AMPD3: variants seen among roughly 807,000 people sequenced by gnomAD.
The protein encoded by AMPD3 is adenosine monophosphate deaminase 3.
Under a neutral mutation model 82.3 loss-of-function variants are expected in AMPD3, and 57 were observed. The observed-to-expected ratio is 0.69, with a 90% CI of 0.56 to 0.86. The LOEUF is 0.86. AMPD3 is among the 40% of genes least tolerant of loss of function. The pLI is 0.00. For synonymous variants in AMPD3, 381 were observed against 394.7 expected, an observed-to-expected ratio of 0.97 and a Z score of 0.41; for missense variants, 870 against 1,003.8, an observed-to-expected ratio of 0.87 and a Z score of 1.80.
chr11:10,470,104 AG>A (rs1848545844), intron 2 of AMPD3, among the ~76,000 whole-genome samples: 1 of 152,140 alleles, frequency 6.6e-6, no homozygotes, highest in Non-Finnish European at 1.5e-5. Context: ...CACATCAAAA[AG>A]CTTATCCACC....
At chr11:10,478,057 G>A in intron 2 of AMPD3, 2 of 985,294 alleles carry the variant, frequency 2.0e-6, no homozygotes, top group Non-Finnish European at 2.4e-6. Flanking sequence ...CAGTGTGATT[G>A]TCTCTCTGTG....
chr11:10,477,366 T>G (rs1848770815), intron 2 of AMPD3, among the ~76,000 whole-genome samples: 1 of 152,036 alleles, frequency 6.6e-6, no homozygotes, highest in Non-Finnish European at 1.5e-5. Context: ...TTTGACACTG[T>G]GGGATGGCAC....
At chr11:10,463,948 ACT>A (rs1848344125) in intron 2 of AMPD3, among the ~76,000 whole-genome samples, 1 of 152,182 alleles carries the variant, frequency 6.6e-6, no homozygotes, top group South Asian at 2.1e-4. Flanking sequence ...CACCATGGAC[ACT>A]ACATCAGGGT....
intron 1 of AMPD3, among the ~76,000 whole-genome samples, chr11:10,459,336 G>C (rs1249228947): frequency 6.6e-6 from 1 of 152,110 alleles, no homozygotes; most frequent in Non-Finnish European, 1.5e-5. Flanking sequence ...ATGCCACTCA[G>C]ACTCAGAGCA....
At chr11:10,479,292 G>A (rs2133879568) in intron 3 of AMPD3, among the ~76,000 whole-genome samples, 1 of 152,318 alleles carries the variant, frequency 6.6e-6, no homozygotes, top group East Asian at 1.9e-4. Context: ...ATTGGATGAT[G>A]CATTTTTTAT....
chr11:10,464,933 T>C (rs545841309), intron 2 of AMPD3, among the ~76,000 whole-genome samples: 1 of 152,112 alleles, frequency 6.6e-6, no homozygotes, highest in African/African-American at 2.4e-5. Context: ...GTCACAGAGG[T>C]GATGTGTGGT....
At position 10,485,004 on chromosome 11, in the gene AMPD3, G is replaced by T; in HGVS notation, c.774G>T (p.Met258Ile). ...YPDLETYTVD[M>I]SHILALITDG... is the part of the protein sequence containing the mutation. ...ACCTGGAGACCTACACGGTGGACAT[G>T]AGCCACATCCTGGCTCTCATCACCG... Residue 258 changes from methionine (M) to isoleucine (I), a missense_variant, in exon 5 of 15, where the codon ATG becomes ATT. Transcript: ENST00000396553. 1 of 1,613,962 alleles carries T rather than the reference G, an allele frequency of 6.2e-7. No homozygotes were observed.
Position 10,455,914 on chromosome 11 carries a change from C to T in AMPD3, c.-6+466C>T, listed in dbSNP as rs981142928. ...AGCCAGGCCTGAAGCACGTTCAGAA[C>T]GGAAGCAGCAAAGGTGATGATATCG... On this transcript the variant is annotated intron_variant, in intron 1 of 14. Transcript: ENST00000396553. The T allele has an allele frequency of 1.8e-5, 18 of 985,214 alleles. No homozygotes were observed. The Admixed American group carries it at 8.6e-4, about 47-fold the overall frequency. The allele number at this position is 985,214 out of a possible 1,614,324, so 61.0% of individuals were successfully genotyped here.
intron 2 of AMPD3, among the ~76,000 whole-genome samples, chr11:10,473,041 G>A (rs1192848402): frequency 6.6e-6 from 1 of 152,120 alleles, no homozygotes; most frequent in Non-Finnish European, 1.5e-5. Flanking sequence ...AAGCCGAGGT[G>A]GGTGGATCAC....
At chr11:10,486,633 G>T (rs957004000) in intron 5 of AMPD3, 1 of 985,400 alleles carries the variant, frequency 1.0e-6, no homozygotes, top group Non-Finnish European at 1.2e-6. Context: ...TCCTCTTGTC[G>T]TGAAGCCTCA....
chr11:10,461,462 G>C (rs778629569), intron 1 of AMPD3, 53 bp from the exon 2 acceptor site: 5 of 1,612,734 alleles, frequency 3.1e-6, no homozygotes, highest in Admixed American at 1.7e-5. Flanking sequence ...TCTCTTCCCC[G>C]GTGCTGGTGA....
upstream of AMPD3, among the ~76,000 whole-genome samples, chr11:10,452,262 G>T (rs1406374373): frequency 6.6e-6 from 1 of 152,002 alleles, no homozygotes; most frequent in African/African-American, 2.4e-5. Flanking sequence ...AAATGTCATG[G>T]GCAGATAACA....
upstream of AMPD3, among the ~76,000 whole-genome samples, chr11:10,453,728 A>T (rs1351897425): frequency 1.3e-5 from 2 of 152,042 alleles, no homozygotes; most frequent in Non-Finnish European, 2.9e-5. Flanking sequence ...AGGTGGGACT[A>T]CAGGTGCGCA....
At chr11:10,455,519 A>T in intron 1 of AMPD3, 71 bp downstream of exon 1, 3 of 800,416 alleles carry the variant, frequency 3.7e-6, no homozygotes, top group Non-Finnish European at 4.5e-6. Context: ...GTGTGTGTGG[A>T]TGGGGGTGGG....
In AMPD3 at chr11:10,456,907, C is replaced by T. The variant is rs972181352; in HGVS notation, c.-6+1459C>T. The stretch of plus-strand genomic sequence containing the variant: ...GGCAGCTGCTAAGGCCTGCAGCACC[C>T]CAAGTGGGTTACTTGGTCCATACTA... On this transcript the variant is annotated intron_variant, in intron 1 of 14. Transcript: ENST00000396553. This position sits in a 1 kb window ranked among gnomAD's most constrained non-coding sequence, Gnocchi z 4.3. Among the ~76,000 whole-genome samples, 34 of 152,082 alleles carry T rather than the reference C, an allele frequency of 2.2e-4. No homozygotes were observed. Among genetic ancestry groups the T allele is most frequent in the Admixed American group, 2.0e-3 (31 of 15,286 alleles).
chr11:10,471,825 A>G (rs1293634870), intron 2 of AMPD3, among the ~76,000 whole-genome samples: 2 of 152,256 alleles, frequency 1.3e-5, no homozygotes, highest in African/African-American at 4.8e-5. Context: ...GTGGAGAAAT[A>G]GGAATGCTTT....
Position 10,455,386 on chromosome 11 carries a change from G to C in AMPD3, c.-68G>C. Reference sequence around the variant, plus strand: ...TTGAGGCAGGCTCCACCTTCCCCAGGAGGAGTGGCAGAGTCCAGCCAGCGC... The same window carrying C: ...TTGAGGCAGGCTCCACCTTCCCCAGCAGGAGTGGCAGAGTCCAGCCAGCGC... On this transcript the variant is annotated 5_prime_UTR_variant, in exon 1 of 15. Coordinates refer to ENST00000396553, the MANE Select transcript of AMPD3 (RefSeq NM_001025389.2). 1.0e-6 allele frequency: 1 copy of C among 985,460 alleles called. No individual in the cohort carries two copies. The highest frequency in any genetic ancestry group is 5.2e-4 in the Middle Eastern group (1 of 1,916). 61.0% of individuals were successfully genotyped at this position (985,460 alleles called of 1,614,324 possible). A position where few individuals can be genotyped will look rare whatever the true frequency, so the allele number is the denominator to read the frequency against.
At chr11:10,480,795 AGAG>A (rs1344047363) in intron 3 of AMPD3, among the ~76,000 whole-genome samples, 1 of 152,222 alleles carries the variant, frequency 6.6e-6, no homozygotes. Context: ...TTATTAAAGC[AGAG>A]GAGATCACTT....
intron 3 of AMPD3, 197 bp from the exon 4 acceptor site, chr11:10,481,866 C>T: frequency 4.5e-6 from 3 of 664,458 alleles, no homozygotes; most frequent in Non-Finnish European, 8.0e-6. Flanking sequence ...AAGCAGGTGT[C>T]CAACATAAAC....
Sources: gnomAD v4.1 joint callset for allele counts (sites outside exome capture counted in the v4.1 genomes callset) on GRCh38, gnomAD v4.1.1 for gene constraint, Gnocchi (gnomAD v3.1) non-coding constraint, MANE v1.5 for transcripts, NCBI Gene and HGNC (gene_info 2026-07-23, HGNC 2026-07-21) for gene names.